Variants in POTEC observed in about 807,000 individuals in gnomAD.
POTEC encodes the protein ANKRD26-like family B member 2.
A neutral mutation model predicts 62.0 loss-of-function variants in POTEC; 35 were observed. That is an observed-to-expected ratio of 0.56 (90% CI 0.43 to 0.75). POTEC has a LOEUF of 0.75. Among genes scored for constraint, POTEC ranks in the 30% least tolerant of loss-of-function variants. The pLI is 0.00. For synonymous variants in POTEC, 156 were observed against 221.5 expected (o/e 0.70, Z 2.62); for missense variants, 472 against 655.9 (o/e 0.72, Z 3.06).
Position 14,513,762 on chromosome 18 carries a change from T to C in POTEC, c.1433A>G (p.Lys478Arg). 6.2e-7 allele frequency: 1 copy of C among 1,609,902 alleles called. No individual in the cohort carries two copies. The highest frequency in any genetic ancestry group is 8.5e-7 in the Non-Finnish European group (1 of 1,179,322). ...AGTGTTCTGTTCTTCAGAAAGTTGT[T>C]TCCGGGTATCATTTTGTTCGTCACT... is the stretch of plus-strand genomic sequence containing the variant. ...YHSDEQNDTR[K>R]QLSEEQNTGI... The change falls in exon 10 of 11, where the codon AAA becomes AGA. Residue 478 changes from lysine to arginine, a missense_variant. By Grantham distance (26) the Lys-to-Arg change is conservative. This residue lies in a region of POTEC where 83 missense variants were observed against 254.3 expected (regional missense o/e 0.33). Transcript: ENST00000358970.
At chr18:14,526,664 AAGG>A (rs1490088963) in intron 6 of POTEC, among the ~76,000 whole-genome samples, 2 of 152,056 alleles carry the variant, frequency 1.3e-5, no homozygotes, top group African/African-American at 2.4e-5. Flanking sequence ...CCTGCAATAG[AAGG>A]AGGAGTGAGT....
intron 3 of POTEC, among the ~76,000 whole-genome samples, chr18:14,535,298 T>C (rs1905675922): frequency 6.7e-6 from 1 of 149,428 alleles, no homozygotes; most frequent in South Asian, 2.1e-4. Context: ...ATTTTTTTTT[T>C]CATTTAAACA....
intron 6 of POTEC, among the ~76,000 whole-genome samples, chr18:14,526,296 G>A (rs1413989414): frequency 6.6e-6 from 1 of 152,072 alleles, no homozygotes; most frequent in Non-Finnish European, 1.5e-5. Flanking sequence ...GGTAGCCTTA[G>A]GACCTCACTG....
chr18:14,533,344 T>C lies in POTEC; in HGVS notation c.918-146A>G, dbSNP rs1290809792. The stretch of plus-strand genomic sequence containing the variant: ...CACTAAAAGACATAAGCATCTTGGG[T>C]GCTCAAGAGTTCATCTTTGTAAAAT... On this transcript the variant is annotated intron_variant, in intron 4 of 10. Coordinates refer to ENST00000358970, the MANE Select transcript of POTEC (RefSeq NM_001137671.2). The C allele has an allele frequency of 4.1e-6, 6 of 1,466,478 alleles. No individual in the cohort carries two copies. In the Admixed American group the frequency reaches 1.3e-4, roughly 31 times the overall value. The allele number at this position is 1,466,478 out of a possible 1,614,324, so 90.8% of individuals were successfully genotyped here.
At chr18:14,526,586 A>T (rs973279617) in intron 6 of POTEC, among the ~76,000 whole-genome samples, 9 of 152,122 alleles carry the variant, frequency 5.9e-5, no homozygotes, top group Non-Finnish European at 1.0e-4. Context: ...GTAGAGGGCA[A>T]GAAAGGGTGA....
At chr18:14,516,870 T>G (rs1910177494) in intron 9 of POTEC, among the ~76,000 whole-genome samples, 1 of 151,660 alleles carries the variant, frequency 6.6e-6, no homozygotes, top group South Asian at 2.1e-4. Context: ...TAAAGTTGTA[T>G]AAGAATATCA....
intron 1 of POTEC, 48 bp downstream of exon 1, chr18:14,542,578 C>T (rs754839905): frequency 3.7e-6 from 6 of 1,610,964 alleles, no homozygotes; most frequent in Admixed American, 1.7e-5. Context: ...AGGGTATGTC[C>T]CCATCATCCC....
intron 9 of POTEC, among the ~76,000 whole-genome samples, chr18:14,516,898 A>G (rs1910178622): frequency 6.6e-6 from 1 of 151,660 alleles, no homozygotes; most frequent in African/African-American, 2.4e-5. Context: ...TGTACTGAGA[A>G]GAAAGTGAAC....
chr18:14,518,354 G>C (rs1228208195), intron 9 of POTEC, among the ~76,000 whole-genome samples: 2 of 151,132 alleles, frequency 1.3e-5, no homozygotes, highest in African/African-American at 2.4e-5. Context: ...GGGGAGGGTG[G>C]TGGGAAAGTT....
At position 14,513,786 on chromosome 18, in the gene POTEC, C is replaced by A. The variant is rs548620909; in HGVS notation, c.1410-1G>T. 42 of 1,606,816 alleles carry A rather than the reference C, an allele frequency of 2.6e-5. 2 individuals are homozygous for A. In the South Asian group the frequency reaches 4.4e-4, roughly 17 times the overall value. ...TTTCCGGGTATCATTTTGTTCGTCA[C>A]TAGAAGAAATTTTAATTTTCATGAA... is the stretch of plus-strand genomic sequence containing the variant. On this transcript the variant is annotated splice_acceptor_variant, in intron 9 of 10. Coordinates refer to ENST00000358970, the MANE Select transcript of POTEC (RefSeq NM_001137671.2). LOFTEE classifies it high-confidence loss of function.
chr18:14,521,564 T>C (rs1910308207), intron 9 of POTEC, among the ~76,000 whole-genome samples: 1 of 152,192 alleles, frequency 6.6e-6, no homozygotes. Context: ...GACAAATCTA[T>C]ACAAATATCC....
rs956262140 is a variant in POTEC at position 14,512,907 on chromosome 18, C to G, written c.1533+755G>C. Among the ~76,000 whole-genome samples, 8 of 152,100 alleles carry G rather than the reference C, an allele frequency of 5.3e-5. No homozygotes were observed. The South Asian group carries it at 1.7e-3, about 32-fold the overall frequency. On this transcript the variant is annotated intron_variant, in intron 10 of 10. Transcript: ENST00000358970. ...TGTAAATATATAAATACAAAAGAAG[C>G]CTTTTATTTCAAAATACAAATGGTA... is the stretch of plus-strand genomic sequence containing the variant.
chr18:14,534,204 T>C (rs1370097491), intron 4 of POTEC, among the ~76,000 whole-genome samples: 3 of 150,738 alleles, frequency 2.0e-5, no homozygotes, highest in Admixed American at 6.6e-5. Context: ...GATAGTTTAC[T>C]GAGAATGATG....
intron 3 of POTEC, among the ~76,000 whole-genome samples, chr18:14,535,240 C>G (rs1905672813): frequency 6.8e-6 from 1 of 147,186 alleles, no homozygotes; most frequent in East Asian, 2.2e-4. Context: ...TTACTGTTTC[C>G]AAGACTCTTT....
chr18:14,530,928 T>G (rs900259617), intron 5 of POTEC, among the ~76,000 whole-genome samples: 1 of 152,144 alleles, frequency 6.6e-6, no homozygotes, highest in African/African-American at 2.4e-5. Context: ...CTTTGCTGCC[T>G]TATTTCACTA....
At position 14,524,818 on chromosome 18, in the gene POTEC, C is replaced by T. The variant is rs184493810; in HGVS notation, c.1197+95G>A. ...AAAAGAATCTATTGATTCTTAAAACCTAGTCTGAAAGGTAATTTCATTTGG... is the reference window on the plus strand; with the variant it reads ...AAAAGAATCTATTGATTCTTAAAACTTAGTCTGAAAGGTAATTTCATTTGG... On this transcript the variant is annotated intron_variant, in intron 7 of 10. Transcript: ENST00000358970. 3,772 of 1,345,656 alleles carry T rather than the reference C, an allele frequency of 2.8e-3. 86 individuals carry two copies. In the African/African-American group the frequency reaches 0.051, roughly 18 times the overall value. 83.4% of individuals were successfully genotyped at this position (1,345,656 alleles called of 1,614,324 possible).
rs750459289 is a variant in POTEC at position 14,524,929 on chromosome 18, T to G, written c.1181A>C (p.Glu394Ala). 6.2e-7 allele frequency: 1 copy of G among 1,605,604 alleles called. No individual in the cohort carries two copies. The highest frequency in any genetic ancestry group is 8.5e-7 in the Non-Finnish European group (1 of 1,177,914). ...EEESQRLKVS[E>A]NSQPEKMSQE... ...TTTCCATGCCTCTGGCTGGCTATTT[T>G]CACTGACTTTAAGCCTTTGTGACTC... The change falls in exon 7 of 11, where the codon GAA becomes GCA. Residue 394 changes from glutamate to alanine, a missense_variant. Glu to Ala is a moderately radical substitution (Grantham distance 107). This residue lies in a region of POTEC where 83 missense variants were observed against 254.3 expected (regional missense o/e 0.33). Coordinates refer to ENST00000358970, the MANE Select transcript of POTEC (RefSeq NM_001137671.2).
rs1267255005 is a variant in POTEC, at chr18:14,517,012, C to T, written c.1410-3227G>A. On this transcript the variant is annotated intron_variant, in intron 9 of 10. Coordinates refer to ENST00000358970, the MANE Select transcript of POTEC (RefSeq NM_001137671.2). The stretch of plus-strand genomic sequence containing the variant: ...ACTGGAGATTATGTTAGGACTTGAG[C>T]AAAAGCTTCTAAAAATACCAAAAAC... Among the ~76,000 whole-genome samples, 470 of 149,406 alleles carry T rather than the reference C, an allele frequency of 3.1e-3. 5 individuals are homozygous for T. Among genetic ancestry groups the T allele is most frequent in the South Asian group, 0.025 (109 of 4,422 alleles).
intron 1 of POTEC, among the ~76,000 whole-genome samples, chr18:14,539,489 T>A (rs1567916282): frequency 7.0e-6 from 1 of 143,218 alleles, no homozygotes; most frequent in Non-Finnish European, 1.5e-5. Context: ...CTGTGTGTTC[T>A]CCTCATTTAG....
Sources: gnomAD v4.1 joint callset for allele counts (sites outside exome capture counted in the v4.1 genomes callset) on GRCh38, gnomAD v4.1.1 for gene constraint, gnomAD v4.1.1 regional missense constraint, MANE v1.5 for transcripts, NCBI Gene and HGNC (gene_info 2026-07-23, HGNC 2026-07-21) for gene names.